Variants in ESRRG observed in about 807,000 individuals in gnomAD.
The protein encoded by ESRRG is estrogen-related receptor gamma.
Under a neutral mutation model 44.0 loss-of-function variants are expected in ESRRG, and 13 were observed. The ratio of observed to expected loss-of-function variants is 0.30; its 90% CI spans 0.19 to 0.47. The LOEUF (loss-of-function observed/expected upper bound fraction) is 0.47. Ranked by LOEUF, ESRRG falls within the 20% of genes least tolerant of loss-of-function variation. The pLI is 1.00. For synonymous variants in ESRRG, 215 were observed against 214.6 expected (o/e 1.00, Z -0.02); for missense variants, 395 against 580.6 (o/e 0.68, Z 3.29).
Position 216,610,470 on chromosome 1 carries a change from A to C in ESRRG, c.589+40503T>G, listed in dbSNP as rs986371003. On this transcript the variant is annotated intron_variant, in intron 3 of 6. Coordinates refer to ENST00000408911, the MANE Select transcript of ESRRG (RefSeq NM_001438.4). ...CATTTGACTTAGCTTTAGCGTGATA[A>C]GACCATCTTAAACAGTCTCTGATCG... Among the ~76,000 whole-genome samples, 9 of 152,290 alleles carry C rather than the reference A, an allele frequency of 5.9e-5. No homozygotes were observed. The East Asian group carries it at 1.7e-3, about 29-fold the overall frequency.
At chr1:217,044,293 C>A (rs2084443319) in intron 1 of ESRRG, among the ~76,000 whole-genome samples, 1 of 152,120 alleles carries the variant, frequency 6.6e-6, no homozygotes, top group South Asian at 2.1e-4. Context: ...CTCCCTAATA[C>A]CTTGGGCTCT....
chr1:216,724,583 T>TTA (rs1230413244), upstream of ESRRG, among the ~76,000 whole-genome samples: 4 of 151,996 alleles, frequency 2.6e-5, no homozygotes, highest in African/African-American at 9.7e-5. Context: ...CAGAAACATT[T>TTA]TATAAACCAT....
chr1:216,631,583 C>T (rs2064189227), intron 3 of ESRRG, among the ~76,000 whole-genome samples: 1 of 152,122 alleles, frequency 6.6e-6, no homozygotes, highest in Non-Finnish European at 1.5e-5. Context: ...TAGACCAAAT[C>T]TCAGTGTGTT....
intron 2 of ESRRG, among the ~76,000 whole-genome samples, chr1:216,776,677 G>A (rs1399995984): frequency 6.6e-6 from 1 of 152,126 alleles, no homozygotes; most frequent in Non-Finnish European, 1.5e-5. Context: ...CAAATACATT[G>A]GTAGTAAGGG....
At chr1:216,691,515 G>A (rs1384344915) in intron 1 of ESRRG, among the ~76,000 whole-genome samples, 1 of 152,160 alleles carries the variant, frequency 6.6e-6, no homozygotes. Flanking sequence ...AAATCATAGA[G>A]CACATTTCTT....
In ESRRG at chr1:217,030,989, T is replaced by A. The variant is rs546381910; in HGVS notation, c.-106+58518A>T. Among the ~76,000 whole-genome samples the A allele has an allele frequency of 9.8e-5, 15 of 152,340 alleles. No homozygotes were observed. The South Asian group carries it at 1.5e-3, about 15-fold the overall frequency. On this transcript the variant is annotated intron_variant, in intron 1 of 7. Transcript: ENST00000359162. ...TTTAAAATGAAGCTGCTGGAAAATT[T>A]AAAATTAAAAATGTGGCTCACATTG...
chr1:216,868,768 T>C (rs959908428), intron 2 of ESRRG, among the ~76,000 whole-genome samples: 4 of 152,218 alleles, frequency 2.6e-5, no homozygotes, highest in Non-Finnish European at 5.9e-5. Context: ...ATTCTAGTGA[T>C]ATGCAATAAA....
chr1:216,787,808 G>C (rs2094181915), intron 2 of ESRRG, among the ~76,000 whole-genome samples: 1 of 152,004 alleles, frequency 6.6e-6, no homozygotes, highest in Admixed American at 6.6e-5. Flanking sequence ...AGTTCTTGAA[G>C]AAAATTAAAA....
intron 2 of ESRRG, among the ~76,000 whole-genome samples, chr1:216,873,841 G>C (rs1041982499): frequency 7.0e-6 from 1 of 142,306 alleles, no homozygotes. Flanking sequence ...CTGGGTGCAA[G>C]GAACAGAGAA....
rs369995422 is a variant in ESRRG at position 216,992,392 on chromosome 1, A to G, written c.-105-52719T>C. Among the ~76,000 whole-genome samples the G allele has an allele frequency of 2.6e-5, 4 of 152,370 alleles. No homozygotes were observed. In the South Asian group the frequency reaches 8.3e-4, roughly 32 times the overall value. ...GATCTGAATCCCTCCTGCAAGTTCTATTAAAACAAACAGTGCAAGAGTCTT... is the reference window on the plus strand; with the variant it reads ...GATCTGAATCCCTCCTGCAAGTTCTGTTAAAACAAACAGTGCAAGAGTCTT... On this transcript the variant is annotated intron_variant, in intron 1 of 7. Coordinates refer to the ESRRG transcript ENST00000359162.
chr1:216,707,490 A>C, intron 1 of ESRRG: 1 of 1,529,234 alleles, frequency 6.5e-7, no homozygotes, highest in African/African-American at 1.4e-5. Flanking sequence ...ATCAGTTCTA[A>C]AAAGCCAAAA....
intron 1 of ESRRG, among the ~76,000 whole-genome samples, chr1:216,996,022 G>C (rs551323816): frequency 6.6e-6 from 1 of 152,058 alleles, no homozygotes; most frequent in South Asian, 2.1e-4. Flanking sequence ...TTTGTAGAAG[G>C]GCTTTTATTA....
At chr1:216,638,638 A>C (rs1184717791) in intron 3 of ESRRG, among the ~76,000 whole-genome samples, 3 of 152,196 alleles carry the variant, frequency 2.0e-5, no homozygotes, top group Non-Finnish European at 4.4e-5. Flanking sequence ...GAAAAGGGTA[A>C]CATCTCTGTA....
chr1:217,027,664 C>G (rs2081428426), intron 1 of ESRRG, among the ~76,000 whole-genome samples: 1 of 152,122 alleles, frequency 6.6e-6, no homozygotes, highest in Non-Finnish European at 1.5e-5. Flanking sequence ...GTTTCACTCC[C>G]AGCAATCATC....
At chr1:217,108,351 T>G (rs2092622393) in intron 1 of ESRRG, among the ~76,000 whole-genome samples, 1 of 152,206 alleles carries the variant, frequency 6.6e-6, no homozygotes, top group East Asian at 1.9e-4. Context: ...CCGATGGTAT[T>G]TGCCACAATT....
At chr1:217,002,045 T>A (rs565733894) in intron 1 of ESRRG, among the ~76,000 whole-genome samples, 1 of 152,094 alleles carries the variant, frequency 6.6e-6, no homozygotes, top group South Asian at 2.1e-4. Context: ...CTCACACCTG[T>A]AATCCCAGCA....
chr1:216,817,958 C>T (rs2095191760), intron 2 of ESRRG, among the ~76,000 whole-genome samples: 2 of 151,840 alleles, frequency 1.3e-5, no homozygotes, highest in African/African-American at 4.8e-5. Flanking sequence ...TGAGGTCTGA[C>T]TGTATTCGGG....
chr1:216,520,164 T>C (rs1168006341), intron 5 of ESRRG, among the ~76,000 whole-genome samples: 1 of 152,192 alleles, frequency 6.6e-6, no homozygotes, highest in Non-Finnish European at 1.5e-5. Context: ...CAGGGTTTGG[T>C]GCAAAGGAGT....
intron 1 of ESRRG, among the ~76,000 whole-genome samples, chr1:217,023,005 T>C (rs551163105): frequency 6.6e-6 from 1 of 152,278 alleles, no homozygotes; most frequent in Admixed American, 6.5e-5. Context: ...TTCTGAAAAC[T>C]AATCTAGTGT....
Sources: gnomAD v4.1 joint callset for allele counts (sites outside exome capture counted in the v4.1 genomes callset) on GRCh38, gnomAD v4.1.1 for gene constraint, MANE v1.5 for transcripts, NCBI Gene and HGNC (gene_info 2026-07-23, HGNC 2026-07-21) for gene names.